COL15A1: variants seen among roughly 807,000 people sequenced by gnomAD.
The protein encoded by COL15A1 is collagen alpha-1(XV) chain.
COL15A1 carries 111 observed loss-of-function variants against 165.9 expected under a neutral mutation model. That is an observed-to-expected ratio of 0.67 (90% confidence interval 0.57 to 0.78). The LOEUF (loss-of-function observed/expected upper bound fraction) is 0.78. COL15A1 is among the 30% of genes least tolerant of loss of function. The pLI, the probability that COL15A1 is intolerant of heterozygous loss-of-function variation, is 0.00. For missense variants in COL15A1, 1,745 were observed against 1,789.7 expected, an observed-to-expected ratio of 0.98 and a Z score of 0.45; for synonymous variants, 659 against 674.8, an observed-to-expected ratio of 0.98 and a Z score of 0.36.
At position 99,047,830 on chromosome 9, in the gene COL15A1, C is replaced by T. The variant is rs760923557; in HGVS notation, c.2724C>T (p.Pro908=). Residue 908 remains proline (P), a synonymous_variant, in exon 27 of 42, where the codon CCC becomes CCT. Transcript: ENST00000375001. ...PPGHKGEFGL[P]GRPGRPGLNG... is the part of the protein sequence containing the mutation. ...GACATAAAGGAGAATTTGGCCTTCC[C>T]GGGCGACCTGTAGGTATCAGTGTTC... 5.8e-5 allele frequency: 93 copies of T among 1,613,838 alleles called. No individual in the cohort carries two copies. Among genetic ancestry groups the T allele is most frequent in the Admixed American group, 1.7e-4 (10 of 59,992 alleles).
intron 23 of COL15A1, chr9:99,040,825 C>G (rs771649079): frequency 2.1e-5 from 11 of 511,836 alleles, no homozygotes; most frequent in Non-Finnish European, 3.8e-5. Flanking sequence ...GGCTGATTTT[C>G]TGAACTTTTT....
chr9:99,057,638 A>G (rs1476694989), intron 35 of COL15A1, among the ~76,000 whole-genome samples: 1 of 152,220 alleles, frequency 6.6e-6, no homozygotes, highest in Non-Finnish European at 1.5e-5. Context: ...AACCTTTCCA[A>G]GGTCACACAG....
At chr9:99,050,207 C>G (rs1839564227) in intron 30 of COL15A1, among the ~76,000 whole-genome samples, 1 of 152,140 alleles carries the variant, frequency 6.6e-6, no homozygotes, top group African/African-American at 2.4e-5. Context: ...AAAAATAGAC[C>G]CGTTAGAAAA....
chr9:98,966,171 T>C (rs950420432), intron 2 of COL15A1, among the ~76,000 whole-genome samples: 4 of 152,206 alleles, frequency 2.6e-5, no homozygotes, highest in African/African-American at 9.7e-5. Flanking sequence ...CCTTGAGGCC[T>C]GTGGATAACA....
chr9:98,965,188 G>A (rs771189021), intron 2 of COL15A1, among the ~76,000 whole-genome samples: 15 of 152,146 alleles, frequency 9.9e-5, no homozygotes, highest in African/African-American at 2.2e-4. Context: ...GGTGAAATGA[G>A]GATTCCTCCT....
chr9:98,981,098 C>T (rs1838230134), intron 2 of COL15A1, among the ~76,000 whole-genome samples: 1 of 152,140 alleles, frequency 6.6e-6, no homozygotes, highest in Non-Finnish European at 1.5e-5. Context: ...CCTCACCTTC[C>T]ACCAACAGAA....
At chr9:98,947,238 A>G (rs1181515033) in intron 2 of COL15A1, among the ~76,000 whole-genome samples, 1 of 152,248 alleles carries the variant, frequency 6.6e-6, no homozygotes, top group Admixed American at 6.5e-5. Context: ...GTATTGATCA[A>G]TGCTACAACA....
chr9:98,978,952 G>A (rs1353858544), intron 2 of COL15A1, among the ~76,000 whole-genome samples: 1 of 151,938 alleles, frequency 6.6e-6, no homozygotes, highest in African/African-American at 2.4e-5. Context: ...TATTTAATTT[G>A]TATTAGTACA....
intron 40 of COL15A1, 42 bp from the exon 41 acceptor site, chr9:99,068,513 C>G: frequency 4.4e-6 from 3 of 684,452 alleles, no homozygotes; most frequent in Non-Finnish European, 7.0e-6. Flanking sequence ...CATTTGTAGG[C>G]TGATGGTATA....
intron 7 of COL15A1, among the ~76,000 whole-genome samples, chr9:99,002,153 C>G (rs1427223008): frequency 1.4e-5 from 2 of 144,704 alleles, no homozygotes; most frequent in Non-Finnish European, 3.0e-5. Context: ...CCTCTCCTCT[C>G]CTCTCCTCTC....
chr9:99,003,717 C>A, intron 8 of COL15A1, 130 bp downstream of exon 8: 1 of 1,013,274 alleles, frequency 9.9e-7, no homozygotes, highest in Non-Finnish European at 1.4e-6. Context: ...GGCAGTCTGT[C>A]GGAGTAAGCA....
intron 38 of COL15A1, among the ~76,000 whole-genome samples, chr9:99,062,673 T>C (rs1192257602): frequency 6.6e-6 from 1 of 152,220 alleles, no homozygotes; most frequent in African/African-American, 2.4e-5. Context: ...ACTGGCATTG[T>C]CCATCTTCTA....
In COL15A1 at chr9:99,056,305, G is replaced by T; in HGVS notation, c.3238G>T (p.Ala1080Ser). Residue 1080 changes from alanine (A) to serine (S), a missense_variant, in exon 35 of 42, where the codon GCT becomes TCT. Ala to Ser is a moderately conservative substitution (Grantham distance 99). Coordinates refer to ENST00000375001, the MANE Select transcript of COL15A1 (RefSeq NM_001855.5). ...TVVGPQGPPG[A>S]PGLPGPPGFG... ...CGTTGGGCCCCAAGGACCCCCAGGTGCTCCTGGTCTGCCTGGGCCACCTGG... is the reference window on the plus strand; with the variant it reads ...CGTTGGGCCCCAAGGACCCCCAGGTTCTCCTGGTCTGCCTGGGCCACCTGG... 1.9e-6 allele frequency: 3 copies of T among 1,614,100 alleles called. No individual in the cohort carries two copies. The highest frequency in any genetic ancestry group is 2.5e-6 in the Non-Finnish European group (3 of 1,180,016).
chr9:98,944,703 A>G (rs751216199), intron 2 of COL15A1, among the ~76,000 whole-genome samples: 1 of 152,248 alleles, frequency 6.6e-6, no homozygotes, highest in Non-Finnish European at 1.5e-5. Context: ...TGCTCAAGAA[A>G]TAACGGAACT....
intron 8 of COL15A1, 146 bp downstream of exon 8, chr9:99,003,733 T>C (rs1838706071): frequency 1.1e-6 from 1 of 870,648 alleles, no homozygotes; most frequent in Non-Finnish European, 1.6e-6. Context: ...AAGCACTAAA[T>C]AGCATTGACC....
intron 6 of COL15A1, among the ~76,000 whole-genome samples, chr9:99,000,427 CT>C (rs1046943752): frequency 1.1e-4 from 17 of 151,396 alleles, no homozygotes; most frequent in South Asian, 2.1e-4. Flanking sequence ...TATACTCATA[CT>C]TTTTTTTTCT....
chr9:98,999,798 G>A (rs942954645), intron 6 of COL15A1, among the ~76,000 whole-genome samples: 4 of 151,072 alleles, frequency 2.6e-5, no homozygotes, highest in African/African-American at 9.7e-5. Context: ...GGGATTACAG[G>A]CATGAGCCAC....
intron 16 of COL15A1, among the ~76,000 whole-genome samples, chr9:99,032,929 G>A (rs1486684496): frequency 1.3e-5 from 2 of 152,154 alleles, no homozygotes; most frequent in Non-Finnish European, 2.9e-5. Context: ...TTTGTGTCAT[G>A]GCTATGTTAT....
At chr9:98,956,475 CTGTG>C (rs758340724) in intron 2 of COL15A1, among the ~76,000 whole-genome samples, 119 of 152,212 alleles carry the variant, frequency 7.8e-4, no homozygotes, top group African/African-American at 1.7e-3. Context: ...ATACACACAT[CTGTG>C]TGTGTATGTA....
Sources: gnomAD v4.1 joint callset for allele counts (sites outside exome capture counted in the v4.1 genomes callset) on GRCh38, gnomAD v4.1.1 for gene constraint, MANE v1.5 for transcripts, NCBI Gene and HGNC (gene_info 2026-07-23, HGNC 2026-07-21) for gene names.